MME: variants seen among roughly 807,000 people sequenced by gnomAD.
The protein encoded by MME is membrane metalloendopeptidase.
Under a neutral mutation model 113.2 loss-of-function variants are expected in MME, and 98 were observed. The observed-to-expected ratio is 0.87, with a 90% confidence interval of 0.74 to 1.02. MME has a LOEUF of 1.02. MME is among the 50% of genes least tolerant of loss of function. The pLI is 0.00. For missense variants in MME, 836 were observed against 896.0 expected, an observed-to-expected ratio of 0.93 and a Z score of 0.86; for synonymous variants, 292 against 300.6, an observed-to-expected ratio of 0.97 and a Z score of 0.30.
At chr3:155,087,386 A>G (rs1715857412) in intron 3 of MME, among the ~76,000 whole-genome samples, 1 of 151,918 alleles carries the variant, frequency 6.6e-6, no homozygotes, top group African/African-American at 2.4e-5. Context: ...GCTGCTCGAC[A>G]TAGTAAGTTT....
chr3:155,172,091 G>T, intron 20 of MME, 26 bp from the exon 21 acceptor site: 1 of 1,314,000 alleles, frequency 7.6e-7, no homozygotes, highest in Non-Finnish European at 1.1e-6. Flanking sequence ...TAATATTATT[G>T]TTTTTCTATT....
chr3:155,064,694 A>G (rs996481010), intron 1 of MME, among the ~76,000 whole-genome samples: 1 of 152,206 alleles, frequency 6.6e-6, no homozygotes, highest in Non-Finnish European at 1.5e-5. Flanking sequence ...ATGAGCTCCT[A>G]GATATGTTCT....
intron 1 of MME, among the ~76,000 whole-genome samples, chr3:155,069,498 G>A (rs553725393): frequency 2.4e-4 from 36 of 152,302 alleles, no homozygotes; most frequent in African/African-American, 8.7e-4. Context: ...TGACTTGGAA[G>A]GAAGATGAAA....
In MME at chr3:155,148,665, C is replaced by T; in HGVS notation, c.1601+12C>T. ...GTGGACAAAGATGAGTGCGTATATTCTCATTTCTAATGTGATCATCTAGAA... is the reference window on the plus strand; with the variant it reads ...GTGGACAAAGATGAGTGCGTATATTTTCATTTCTAATGTGATCATCTAGAA... On this transcript the variant is annotated intron_variant, in intron 16 of 22. Transcript: ENST00000360490. 1.3e-6 allele frequency: 2 copies of T among 1,566,256 alleles called. No homozygotes were observed. The highest frequency in any genetic ancestry group is 8.8e-7 in the Non-Finnish European group (1 of 1,136,854).
At chr3:155,024,794 T>C (rs1030335608) in intron 1 of MME, among the ~76,000 whole-genome samples, 2 of 152,216 alleles carry the variant, frequency 1.3e-5, no homozygotes, top group Admixed American at 6.5e-5. Flanking sequence ...TGCATACTTA[T>C]GTGCACATAA....
At chr3:155,107,976 G>A (rs1055594981) in intron 3 of MME, among the ~76,000 whole-genome samples, 2 of 152,146 alleles carry the variant, frequency 1.3e-5, no homozygotes, top group African/African-American at 4.8e-5. Flanking sequence ...GATAAACATC[G>A]TTCAGGCATC....
intron 8 of MME, among the ~76,000 whole-genome samples, chr3:155,127,022 A>G (rs1000428976): frequency 3.9e-5 from 6 of 151,908 alleles, no homozygotes; most frequent in African/African-American, 1.5e-4. Context: ...AAAAAAAAAA[A>G]AAAGAAAGGG....
intron 12 of MME, 123 bp downstream of exon 12, chr3:155,142,453 G>A (rs755965355): frequency 4.0e-5 from 30 of 747,144 alleles, no homozygotes; most frequent in African/African-American, 1.2e-4. Flanking sequence ...GCCAAAGTTC[G>A]TTATCTTGCA....
chr3:155,052,214 G>A (rs981287766), intron 1 of MME, among the ~76,000 whole-genome samples: 11 of 152,208 alleles, frequency 7.2e-5, no homozygotes, highest in African/African-American at 2.7e-4. Flanking sequence ...TTGAGTGCCT[G>A]TGGCTTTTCC....
rs975293621 is a variant in MME at position 155,133,514 on chromosome 3, C to T, written c.721-4588C>T. On this transcript the variant is annotated intron_variant, in intron 8 of 22. Coordinates refer to ENST00000360490, the MANE Select transcript of MME (RefSeq NM_007289.4). Reference sequence around the variant, plus strand: ...AAATACATCGGTAAGGATAAAGAGACTGGAGCAGAATCAGTTTGCTGAGTC... The same window carrying T: ...AAATACATCGGTAAGGATAAAGAGATTGGAGCAGAATCAGTTTGCTGAGTC... Among the ~76,000 whole-genome samples the T allele has an allele frequency of 7.9e-5, 12 of 151,228 alleles. No individual in the cohort carries two copies. In the Admixed American group the frequency reaches 7.9e-4, roughly 10 times the overall value.
chr3:155,032,276 A>C (rs913899977), intron 1 of MME, among the ~76,000 whole-genome samples: 2 of 152,234 alleles, frequency 1.3e-5, no homozygotes, highest in Non-Finnish European at 1.5e-5. Flanking sequence ...GAATCTGACC[A>C]GTTTTAAAGA....
intron 1 of MME, among the ~76,000 whole-genome samples, chr3:155,037,368 A>G (rs1380216986): frequency 6.6e-6 from 1 of 152,202 alleles, no homozygotes; most frequent in Non-Finnish European, 1.5e-5. Context: ...CTCACTTTAG[A>G]GGAGGAAATT....
At chr3:155,161,172 G>A (rs1722696070) in intron 17 of MME, among the ~76,000 whole-genome samples, 1 of 151,810 alleles carries the variant, frequency 6.6e-6, no homozygotes, top group African/African-American at 2.4e-5. Context: ...ACATACATTG[G>A]CTCACATATA....
chr3:155,099,987 A>G (rs1221761438), intron 3 of MME, among the ~76,000 whole-genome samples: 3 of 152,206 alleles, frequency 2.0e-5, no homozygotes, highest in Non-Finnish European at 2.9e-5. Context: ...GGACATAGGC[A>G]TGGGCAAGGA....
At chr3:155,153,833 G>A (rs1559954567) in intron 16 of MME, among the ~76,000 whole-genome samples, 1 of 152,150 alleles carries the variant, frequency 6.6e-6, no homozygotes, top group Non-Finnish European at 1.5e-5. Flanking sequence ...GCAGAGCACT[G>A]TGCTAAACAA....
At chr3:155,133,062 A>AATATATATATATATATATAT (rs1553762420) in intron 8 of MME, among the ~76,000 whole-genome samples, 45 of 75,026 alleles carry the variant, frequency 6.0e-4, no homozygotes, top group African/African-American at 1.6e-3. Context: ...AAAAAAAAAA[A>AATATATATATATATATATAT]ATATATATAT....
chr3:155,116,950 C>T lies in MME; in HGVS notation c.618C>T (p.Gly206=), dbSNP rs1371081583. The T allele has an allele frequency of 1.2e-6, 2 of 1,603,558 alleles. No homozygotes were observed. The highest frequency in any genetic ancestry group is 2.2e-5 in the South Asian group (2 of 90,832). The change falls in exon 7 of 23, where the codon GGC becomes GGT. Residue 206 remains glycine, a synonymous_variant. Transcript: ENST00000360490. ...GKKVLINLFV[G]TDDKNSVNHV... ...AAGTCCTTATTAATTTGTTTGTTGG[C>T]ACTGATGATAAGAATTCTGTGAATC...
chr3:155,051,053 C>A lies in MME; in HGVS notation c.-11+26729C>A, dbSNP rs116318664. ...TTCAGCCTTATTTATCTTTGCCGCTCGTAGAAAAATGTGGCAGAAAAGACA... is the reference window on the plus strand; with the variant it reads ...TTCAGCCTTATTTATCTTTGCCGCTAGTAGAAAAATGTGGCAGAAAAGACA... On this transcript the variant is annotated intron_variant, in intron 1 of 22. Transcript: ENST00000492661. Among the ~76,000 whole-genome samples the A allele has an allele frequency of 6.1e-3, 925 of 152,108 alleles. 12 individuals carry two copies. The highest frequency in any genetic ancestry group is 0.022 in the African/African-American group (894 of 41,492).
intron 3 of MME, among the ~76,000 whole-genome samples, chr3:155,097,132 C>T (rs911816463): frequency 1.3e-5 from 2 of 151,994 alleles, no homozygotes; most frequent in Non-Finnish European, 2.9e-5. Flanking sequence ...TAGGCTGGGA[C>T]CAATGCAGTG....
Sources: allele counts gnomAD v4.1 joint callset (sites outside exome capture counted in the v4.1 genomes callset), GRCh38; gene constraint gnomAD v4.1.1; transcripts MANE v1.5; gene names NCBI Gene and HGNC (gene_info 2026-07-23, HGNC 2026-07-21).